Variants in CYRIB observed in about 807,000 individuals in gnomAD.
CYRIB encodes CYFIP-related Rac1 interactor B.
A neutral mutation model predicts 44.2 loss-of-function variants in CYRIB; 8 were observed. The ratio of observed to expected loss-of-function variants is 0.18; its 90% CI spans 0.11 to 0.33. The LOEUF is 0.33. Among genes scored for constraint, CYRIB ranks in the 10% least tolerant of loss-of-function variants. The probability of loss-of-function intolerance (pLI) is 1.00; values close to 1 mark genes in which losing one functional copy is unlikely to be tolerated. For missense variants in CYRIB, 185 were observed against 382.8 expected (o/e 0.48, Z 4.31); for synonymous variants, 131 against 127.2 (o/e 1.03, Z -0.20).
intron 1 of CYRIB, among the ~76,000 whole-genome samples, chr8:129,983,023 A>AC (rs1295067484): frequency 2.0e-5 from 3 of 152,004 alleles, no homozygotes; most frequent in Non-Finnish European, 4.4e-5. Flanking sequence ...AAAAAAAAAA[A>AC]AAACACCCTT....
intron 1 of CYRIB, among the ~76,000 whole-genome samples, chr8:129,983,394 A>G (rs1343436727): frequency 2.6e-5 from 4 of 152,190 alleles, no homozygotes; most frequent in African/African-American, 7.2e-5. Context: ...GCAGTGAGCC[A>G]AGACTGTGCC....
intron 1 of CYRIB, among the ~76,000 whole-genome samples, chr8:129,926,998 T>TA (rs2088166374): frequency 6.6e-6 from 1 of 152,186 alleles, no homozygotes; most frequent in African/African-American, 2.4e-5. Context: ...AAAATTGTCT[T>TA]AGAGTCAAGT....
intron 1 of CYRIB, among the ~76,000 whole-genome samples, chr8:129,939,217 G>A (rs1344035010): frequency 6.6e-6 from 1 of 151,810 alleles, no homozygotes; most frequent in Non-Finnish European, 1.5e-5. Context: ...CCGCGAAGAG[G>A]AAGGAGTGGT....
chr8:129,909,713 G>T (rs928907306), intron 1 of CYRIB, among the ~76,000 whole-genome samples: 2 of 152,058 alleles, frequency 1.3e-5, no homozygotes, highest in Non-Finnish European at 2.9e-5. Flanking sequence ...ATATAAAAAC[G>T]TTTATGAACT....
chr8:130,009,060 C>A (rs2097165802), intron 1 of CYRIB, among the ~76,000 whole-genome samples: 1 of 152,196 alleles, frequency 6.6e-6, no homozygotes, highest in Admixed American at 6.5e-5. Flanking sequence ...AGAGCCACAA[C>A]AAGCTGGAAA....
chr8:129,867,456 T>C (rs1446650939), intron 4 of CYRIB, among the ~76,000 whole-genome samples: 6 of 151,896 alleles, frequency 4.0e-5, no homozygotes, highest in Non-Finnish European at 8.8e-5. Context: ...AAAAAAAAAG[T>C]TAAAATGGTT....
upstream of CYRIB, chr8:130,017,103 G>T (rs2097360683): frequency 6.6e-6 from 1 of 152,258 alleles, no homozygotes. Context: ...CACCCATTCA[G>T]CCCTCCCGCA....
chr8:129,902,983 T>G (rs940753223), intron 2 of CYRIB: 1 of 152,542 alleles, frequency 6.6e-6, no homozygotes, highest in Non-Finnish European at 1.5e-5. Context: ...TGTACATATA[T>G]ATACTTTAAA....
intron 2 of CYRIB, among the ~76,000 whole-genome samples, chr8:129,969,211 G>A (rs369529298): frequency 2.1e-3 from 316 of 152,036 alleles, no homozygotes; most frequent in African/African-American, 7.1e-3. Context: ...ACAGGCCTTC[G>A]CCATGTTGGC....
Position 129,926,308 on chromosome 8 carries a change from A to ATCC in CYRIB, c.-50+13299_-50+13300insGGA, listed in dbSNP as rs528539278. On this transcript the variant is annotated intron_variant, in intron 1 of 11. Transcript: ENST00000519824. ...TGTACAATAACACTTCATTTATATA[A>ATCC]TTTCATTAAGCAATCCAGTTTATCA... 4.6e-4 allele frequency among the ~76,000 whole-genome samples: 70 copies of ATCC among 152,316 alleles called. No homozygotes were observed. The South Asian group carries it at 0.01, about 22-fold the overall frequency.
At chr8:129,949,741 G>A (rs1489106740) in intron 2 of CYRIB, among the ~76,000 whole-genome samples, 1 of 152,008 alleles carries the variant, frequency 6.6e-6, no homozygotes, top group Non-Finnish European at 1.5e-5. Flanking sequence ...AGCAGGGCGT[G>A]GTGGTGCATG....
At chr8:129,843,713 CT>C (rs1049955170) in intron 11 of CYRIB, among the ~76,000 whole-genome samples, 1 of 152,200 alleles carries the variant, frequency 6.6e-6, no homozygotes, top group African/African-American at 2.4e-5. Context: ...GGACTACATC[CT>C]TTTCAGCAGG....
At chr8:129,979,856 G>A (rs2096134304) in intron 1 of CYRIB, among the ~76,000 whole-genome samples, 1 of 152,110 alleles carries the variant, frequency 6.6e-6, no homozygotes. Context: ...AGGAGGCGGA[G>A]GGTGCAATGA....
At chr8:129,887,715 C>A (rs298617) in intron 2 of CYRIB, among the ~76,000 whole-genome samples, 64,623 of 152,108 alleles carry the variant, frequency 0.42, 14,394 homozygotes, top group East Asian at 0.55. Context: ...ATATGAGACA[C>A]GGAGTCAAAG....
At chr8:129,888,114 G>C (rs1250869636) in intron 2 of CYRIB, among the ~76,000 whole-genome samples, 2 of 152,166 alleles carry the variant, frequency 1.3e-5, no homozygotes, top group South Asian at 2.1e-4. Context: ...TGTTGGAGAA[G>C]GAGCCTGCTG....
chr8:129,903,036 G>T (rs1158591726), intron 2 of CYRIB: 1 of 152,226 alleles, frequency 6.6e-6, no homozygotes. Context: ...CAACTATACT[G>T]GTGACAGCTA....
At chr8:129,983,542 C>A (rs1279119129) in intron 1 of CYRIB, among the ~76,000 whole-genome samples, 1 of 152,220 alleles carries the variant, frequency 6.6e-6, no homozygotes, top group Non-Finnish European at 1.5e-5. Flanking sequence ...TAAGAAGACA[C>A]CATTGGGCAG....
chr8:129,960,910 A>G (rs147154111), intron 2 of CYRIB, among the ~76,000 whole-genome samples: 3,461 of 150,116 alleles, frequency 0.023, 138 homozygotes, highest in African/African-American at 0.08. Flanking sequence ...AGATCATGCC[A>G]CTGCACTCCA....
chr8:129,902,596 G>A (rs543676467), intron 2 of CYRIB, among the ~76,000 whole-genome samples: 4 of 152,140 alleles, frequency 2.6e-5, no homozygotes, highest in South Asian at 2.1e-4. Flanking sequence ...GGCTCACTGC[G>A]GCCTGGACAT....
Sources: allele counts gnomAD v4.1 joint callset (sites outside exome capture counted in the v4.1 genomes callset), GRCh38; gene constraint gnomAD v4.1.1; transcripts MANE v1.5; gene names NCBI Gene and HGNC (gene_info 2026-07-23, HGNC 2026-07-21).